Variants in RALY observed in about 807,000 individuals in gnomAD.
The protein encoded by RALY is RALY heterogeneous nuclear ribonucleoprotein, also known as RNA-binding protein Raly.
A neutral mutation model predicts 30.7 loss-of-function variants in RALY; 15 were observed. That is an observed-to-expected ratio of 0.49 (90% CI 0.33 to 0.75). The LOEUF (loss-of-function observed/expected upper bound fraction) is 0.75. Among genes scored for constraint, RALY ranks in the 30% least tolerant of loss-of-function variants. The pLI is 0.02. For missense variants in RALY, 339 were observed against 414.3 expected (o/e 0.82, Z 1.58); for synonymous variants, 177 against 170.8 (o/e 1.04, Z -0.28).
chr20:34,070,077 A>G (rs987403660), intron 2 of RALY, among the ~76,000 whole-genome samples: 3 of 152,170 alleles, frequency 2.0e-5, no homozygotes, highest in Non-Finnish European at 4.4e-5. Flanking sequence ...AGAGAAAAAG[A>G]GTCTCTTATC....
chr20:34,028,866 A>T (rs936755191), intron 1 of RALY, among the ~76,000 whole-genome samples: 17 of 152,146 alleles, frequency 1.1e-4, no homozygotes, highest in African/African-American at 4.1e-4. Context: ...TGTGGACCAA[A>T]AATATGAGAG....
chr20:34,072,221 C>T lies in RALY; in HGVS notation c.147C>T (p.Ala49=), dbSNP rs751447075. Residue 49 remains alanine (A), a synonymous_variant, in exon 3 of 10, where the codon GCC becomes GCT. Coordinates refer to ENST00000246194, the MANE Select transcript of RALY (RefSeq NM_016732.3). ...ETIFSKYGRV[A]GCSVHKGYAF... ...TCTTCTCTAAGTATGGCCGTGTGGC[C>T]GGCTGTTCTGTGCACAAGGGCTATG... 42 of 1,614,122 alleles carry T rather than the reference C, an allele frequency of 2.6e-5. No homozygotes were observed. Among genetic ancestry groups the T allele is most frequent in the Middle Eastern group, 1.6e-4 (1 of 6,084 alleles).
intron 1 of RALY, among the ~76,000 whole-genome samples, chr20:33,999,883 A>G (rs1389440495): frequency 6.6e-6 from 1 of 152,232 alleles, no homozygotes; most frequent in Non-Finnish European, 1.5e-5. Flanking sequence ...ATTCATCTGA[A>G]TAATGACTAG....
intron 2 of RALY, among the ~76,000 whole-genome samples, chr20:34,063,810 A>G (rs749473567): frequency 2.0e-5 from 3 of 152,008 alleles, no homozygotes; most frequent in Admixed American, 6.5e-5. Context: ...TCACTACCCA[A>G]TGGGAATTCC....
chr20:34,073,239 G>A, intron 3 of RALY, among the ~76,000 whole-genome samples: 1 of 151,872 alleles, frequency 6.6e-6, no homozygotes, highest in East Asian at 1.9e-4. Flanking sequence ...GATGTGTTAC[G>A]CATTTACATG....
intron 1 of RALY, among the ~76,000 whole-genome samples, chr20:34,010,849 A>G (rs1206978506): frequency 1.3e-5 from 2 of 152,150 alleles, no homozygotes; most frequent in Non-Finnish European, 2.9e-5. Flanking sequence ...TGTTTGTGGA[A>G]TAAACTCTGG....
intron 1 of RALY, among the ~76,000 whole-genome samples, chr20:34,002,095 A>T (rs1407078564): frequency 6.6e-6 from 1 of 152,070 alleles, no homozygotes; most frequent in Non-Finnish European, 1.5e-5. Context: ...CTGAAGCATT[A>T]ATTTAAGGCT....
intron 1 of RALY, among the ~76,000 whole-genome samples, chr20:34,013,140 G>C (rs1157042785): frequency 6.6e-6 from 1 of 151,984 alleles, no homozygotes; most frequent in Non-Finnish European, 1.5e-5. Context: ...GCATATTCAA[G>C]GTAGGCTAAA....
At position 34,077,228 on chromosome 20, in the gene RALY, C is replaced by G; in HGVS notation, c.859C>G (p.His287Asp). ...CGGCGATGAGGAAGGGCTCCTGACA[C>G]ACAGCGAGGAAGAGCTGGTGAGGGC... ...DDGDEEGLLTHSEEELEHSQD... is the reference protein window; with the variant it reads ...DDGDEEGLLTDSEEELEHSQD... The change falls in exon 8 of 10, where the codon CAC becomes GAC. Residue 287 changes from histidine (H) to aspartate (D), a missense_variant. Physicochemically the swap from His to Asp is moderately conservative, Grantham distance 81. Coordinates refer to ENST00000246194, the MANE Select transcript of RALY (RefSeq NM_016732.3). 1 of 1,613,788 alleles carries G rather than the reference C, an allele frequency of 6.2e-7. No individual in the cohort carries two copies. The highest frequency in any genetic ancestry group is 2.2e-5 in the East Asian group (1 of 44,870).
chr20:34,071,647 C>G (rs1338832500), intron 2 of RALY, among the ~76,000 whole-genome samples: 3 of 152,030 alleles, frequency 2.0e-5, no homozygotes, highest in Non-Finnish European at 2.9e-5. Context: ...GACCATGGTT[C>G]TACATTGAAG....
At chr20:34,077,352 C>G (rs952343039) in intron 8 of RALY, 107 bp downstream of exon 8, 71 of 1,553,582 alleles carry the variant, frequency 4.6e-5, no homozygotes, top group Non-Finnish European at 5.6e-5. Context: ...TGTGAACTTC[C>G]TGTTCTCTCC....
rs114083554 is a variant in RALY at position 34,076,323 on chromosome 20, C to T, written c.544+283C>T. On this transcript the variant is annotated intron_variant, in intron 6 of 9. Transcript: ENST00000246194. ...GGATAAGGACAGGTCTACCCAGGCC[C>T]ATTACTCCACATTCACTCTGGTACA... The T allele has an allele frequency of 3.8e-4, 197 of 517,690 alleles. 1 individual carries two copies. The highest frequency in any genetic ancestry group is 2.3e-3 in the African/African-American group (121 of 52,468). 32.1% of individuals were successfully genotyped at this position (517,690 alleles called of 1,614,324 possible).
chr20:34,037,999 C>A (rs1026142806), intron 2 of RALY, among the ~76,000 whole-genome samples: 12 of 152,108 alleles, frequency 7.9e-5, no homozygotes, highest in Admixed American at 7.2e-4. Flanking sequence ...AGGATTTTGG[C>A]CATATTTTAT....
chr20:34,020,318 C>T (rs1030827192), intron 1 of RALY, among the ~76,000 whole-genome samples: 8 of 152,096 alleles, frequency 5.3e-5, no homozygotes, highest in Non-Finnish European at 1.0e-4. Flanking sequence ...CAGGTGTTGG[C>T]ATTTGGACTT....
At chr20:34,063,865 A>G (rs771790908) in intron 2 of RALY, among the ~76,000 whole-genome samples, 1 of 151,764 alleles carries the variant, frequency 6.6e-6, no homozygotes, top group Non-Finnish European at 1.5e-5. Context: ...TGCTGCTCCT[A>G]CCCCTTCTCT....
chr20:34,012,301 C>T (rs2123020539), intron 1 of RALY, among the ~76,000 whole-genome samples: 1 of 152,270 alleles, frequency 6.6e-6, no homozygotes, highest in Non-Finnish European at 1.5e-5. Flanking sequence ...TGAGCCTCTT[C>T]TTGGTGCAAA....
intron 2 of RALY, among the ~76,000 whole-genome samples, chr20:34,056,284 G>T (rs2033240701): frequency 6.6e-6 from 1 of 152,082 alleles, no homozygotes; most frequent in African/African-American, 2.4e-5. Flanking sequence ...CCTGTGTGTG[G>T]GTTAACTTCA....
intron 1 of RALY, among the ~76,000 whole-genome samples, chr20:34,003,892 G>A (rs2031041370): frequency 6.6e-6 from 1 of 152,106 alleles, no homozygotes; most frequent in African/African-American, 2.4e-5. Context: ...GCCCGCCTCC[G>A]CCTCCCAAAG....
chr20:34,048,906 G>C (rs934130846), intron 2 of RALY, among the ~76,000 whole-genome samples: 2 of 150,834 alleles, frequency 1.3e-5, no homozygotes, highest in Non-Finnish European at 2.9e-5. Flanking sequence ...TCTACACCCA[G>C]TGTTTCATTC....
Sources: allele counts gnomAD v4.1 joint callset (sites outside exome capture counted in the v4.1 genomes callset), GRCh38; gene constraint gnomAD v4.1.1; transcripts MANE v1.5; gene names NCBI Gene and HGNC (gene_info 2026-07-23, HGNC 2026-07-21).